NETO1: variants seen among roughly 807,000 people sequenced by gnomAD.
NETO1 encodes the protein neuropilin and tolloid like 1.
NETO1 carries 26 observed loss-of-function variants against 61.3 expected under a neutral mutation model. The ratio of observed to expected loss-of-function variants is 0.42; its 90% confidence interval spans 0.31 to 0.59. The LOEUF is 0.59. NETO1 is among the 20% of genes least tolerant of loss of function. The probability of loss-of-function intolerance (pLI) is 0.12; values close to 1 mark genes in which losing one functional copy is unlikely to be tolerated. For synonymous variants in NETO1, 225 were observed against 225.8 expected, an observed-to-expected ratio of 1.00 and a Z score of 0.03; for missense variants, 531 against 662.8, an observed-to-expected ratio of 0.80 and a Z score of 2.18.
chr18:72,789,090 C>T (rs1002749189), intron 6 of NETO1, among the ~76,000 whole-genome samples: 1 of 151,952 alleles, frequency 6.6e-6, no homozygotes, highest in African/African-American at 2.4e-5. Context: ...TTATTATTGA[C>T]CAGACATGTC....
chr18:72,822,328 T>C (rs2073224436), intron 4 of NETO1, among the ~76,000 whole-genome samples: 1 of 152,138 alleles, frequency 6.6e-6, no homozygotes, highest in Non-Finnish European at 1.5e-5. Flanking sequence ...TGACTCCATA[T>C]GGGCTCCCAA....
intron 4 of NETO1, among the ~76,000 whole-genome samples, chr18:72,851,730 T>A (rs372051033): frequency 5.9e-5 from 9 of 152,156 alleles, no homozygotes; most frequent in African/African-American, 9.7e-5. Context: ...AATTTTAAAA[T>A]CATGTATCAG....
rs2071830006 is a variant in NETO1, at chr18:72,784,008, T to C, written c.640-102A>G. The C allele has an allele frequency of 1.4e-4, 104 of 743,338 alleles. 1 individual carries two copies. The highest frequency in any genetic ancestry group is 1.1e-3 in the South Asian group (65 of 57,964). The allele number at this position is 743,338 out of a possible 1,614,324, so 46.0% of individuals were successfully genotyped here. A position where few individuals can be genotyped will look rare whatever the true frequency, so the allele number is the denominator to read the frequency against. ...TTCAGTCTCACAAGACAATCTTGAT[T>C]GCAATCAATCTTATTATTTTCCCTT... On this transcript the variant is annotated intron_variant, in intron 6 of 10. Coordinates refer to ENST00000327305, the MANE Select transcript of NETO1 (RefSeq NM_138966.5).
At chr18:72,866,986 C>A in intron 1 of NETO1, 1 of 440,046 alleles carries the variant, frequency 2.3e-6, no homozygotes, top group Non-Finnish European at 3.9e-6. Context: ...CGTGTCCATC[C>A]CTGAACTGCA....
chr18:72,785,779 A>G (rs2071894896), intron 6 of NETO1, among the ~76,000 whole-genome samples: 1 of 152,194 alleles, frequency 6.6e-6, no homozygotes, highest in Admixed American at 6.5e-5. Flanking sequence ...TCCACCCTTT[A>G]TGAACATGAC....
At chr18:72,821,191 T>C (rs2073181947) in intron 4 of NETO1, among the ~76,000 whole-genome samples, 1 of 142,700 alleles carries the variant, frequency 7.0e-6, no homozygotes, top group Admixed American at 7.2e-5. Context: ...TTCTGTCTCC[T>C]GAAGCAGTTT....
intron 4 of NETO1, among the ~76,000 whole-genome samples, chr18:72,819,148 C>T (rs1315678801): frequency 1.3e-5 from 2 of 152,062 alleles, no homozygotes; most frequent in African/African-American, 4.8e-5. Context: ...TACTGTCTTA[C>T]TGTTTATCTC....
Position 72,867,547 on chromosome 18 carries a change from A to G in NETO1, c.-256T>C, listed in dbSNP as rs1339672420. ...CCCTCAGCGCCGCGCAGCCAGCAGCATCCCCACCGTGACGCTCGCATCACA... is the reference window on the plus strand; with the variant it reads ...CCCTCAGCGCCGCGCAGCCAGCAGCGTCCCCACCGTGACGCTCGCATCACA... On this transcript the variant is annotated 5_prime_UTR_variant, in exon 1 of 11. The change abolishes an upstream ATG in the 5' untranslated region. Transcript: ENST00000327305. The G allele has an allele frequency of 2.7e-6, 1 of 367,358 alleles. No homozygotes were observed. Among genetic ancestry groups the G allele is most frequent in the Non-Finnish European group, 4.8e-6 (1 of 206,270 alleles). The allele number at this position is 367,358 out of a possible 1,614,324, so 22.8% of individuals were successfully genotyped here.
At chr18:72,764,030 T>C (rs991793442) in intron 7 of NETO1, among the ~76,000 whole-genome samples, 1 of 152,118 alleles carries the variant, frequency 6.6e-6, no homozygotes, top group Non-Finnish European at 1.5e-5. Context: ...GAGAACTCAC[T>C]ATCATGAGAA....
At chr18:72,781,548 T>G (rs908987569) in intron 7 of NETO1, among the ~76,000 whole-genome samples, 5 of 152,220 alleles carry the variant, frequency 3.3e-5, no homozygotes, top group Non-Finnish European at 7.3e-5. Flanking sequence ...GGAGAGATGT[T>G]TGACATGCTA....
intron 4 of NETO1, among the ~76,000 whole-genome samples, chr18:72,828,022 T>A (rs888613081): frequency 6.6e-6 from 1 of 152,070 alleles, no homozygotes; most frequent in East Asian, 1.9e-4. Context: ...AGCAATAAAT[T>A]AAAAATGCAG....
In NETO1 at chr18:72,794,364, T is replaced by C; in HGVS notation, c.510A>G (p.Pro170=). 1 of 1,612,796 alleles carries C rather than the reference T, an allele frequency of 6.2e-7. No individual in the cohort carries two copies. Among genetic ancestry groups the C allele is most frequent in the Non-Finnish European group, 8.5e-7 (1 of 1,179,708 alleles). ...GTATTAAATATCTATTTTACCAACCTGGTAATGGTTTCAAAGCTCCAAGGT... is the reference window on the plus strand; with the variant it reads ...GTATTAAATATCTATTTTACCAACCCGGTAATGGTTTCAAAGCTCCAAGGT... ...FKDLGALKPL[P]ACEFEMGGSE... The change falls in exon 5 of 11, where the codon CCA becomes CCG. Residue 170 remains proline (P), a splice_region_variant and synonymous_variant. Transcript: ENST00000327305.
At chr18:72,756,999 T>C (rs1340645838) in intron 7 of NETO1, among the ~76,000 whole-genome samples, 1 of 152,116 alleles carries the variant, frequency 6.6e-6, no homozygotes, top group Non-Finnish European at 1.5e-5. Context: ...TATTGCATTG[T>C]GGATGGTTGC....
chr18:72,817,838 T>C (rs1419550850), intron 4 of NETO1, among the ~76,000 whole-genome samples: 2 of 152,204 alleles, frequency 1.3e-5, no homozygotes, highest in Non-Finnish European at 2.9e-5. Flanking sequence ...CACCCCAACA[T>C]GCTCATGCTC....
At chr18:72,864,455 T>A (rs1416265597) in intron 3 of NETO1, among the ~76,000 whole-genome samples, 2 of 152,186 alleles carry the variant, frequency 1.3e-5, no homozygotes, top group African/African-American at 4.8e-5. Flanking sequence ...CTACTAATTG[T>A]TGAGCTAAAA....
intron 7 of NETO1, among the ~76,000 whole-genome samples, chr18:72,780,460 A>G (rs576366245): frequency 4.7e-4 from 71 of 152,184 alleles, no homozygotes; most frequent in Non-Finnish European, 8.8e-4. Context: ...ACCATTTCTT[A>G]TCTATGCAGA....
intron 6 of NETO1, among the ~76,000 whole-genome samples, chr18:72,792,320 C>G (rs749054908): frequency 6.6e-6 from 1 of 151,936 alleles, no homozygotes; most frequent in East Asian, 1.9e-4. Context: ...CTGTAATTCC[C>G]GAAGCAAGAA....
intron 4 of NETO1, among the ~76,000 whole-genome samples, chr18:72,794,892 T>A (rs977298100): frequency 6.6e-6 from 1 of 152,228 alleles, no homozygotes; most frequent in Non-Finnish European, 1.5e-5. Flanking sequence ...AACTAGAATA[T>A]TTGAAGCACA....
At chr18:72,754,481 C>T (rs992863941) in intron 8 of NETO1, among the ~76,000 whole-genome samples, 4 of 151,796 alleles carry the variant, frequency 2.6e-5, no homozygotes, top group African/African-American at 4.8e-5. Flanking sequence ...AAAGTAAAAA[C>T]GTGGAAAAGA....
Sources: gnomAD v4.1 joint callset for allele counts (sites outside exome capture counted in the v4.1 genomes callset) on GRCh38, gnomAD v4.1.1 for gene constraint, MANE v1.5 for transcripts, NCBI Gene and HGNC (gene_info 2026-07-23, HGNC 2026-07-21) for gene names.